The following IL1RAPL2 variants were observed in gnomAD, a reference collection of about 807,000 sequenced individuals.
IL1RAPL2 encodes interleukin 1 receptor accessory protein like 2, also known as X-linked interleukin-1 receptor accessory protein-like 2.
In IL1RAPL2, 3 loss-of-function variants were observed where a neutral mutation model predicts 44.1. The observed-to-expected ratio is 0.07, with a 90% CI of 0.03 to 0.18. The LOEUF (loss-of-function observed/expected upper bound fraction) is 0.18. Among genes scored for constraint, IL1RAPL2 ranks in the 10% least tolerant of loss-of-function variants. The probability of loss-of-function intolerance (pLI) is 1.00; values close to 1 mark genes in which losing one functional copy is unlikely to be tolerated. For synonymous variants in IL1RAPL2, 181 were observed against 178.8 expected (o/e 1.01, Z -0.10); for missense variants, 391 against 496.4 (o/e 0.79, Z 2.02).
intron 2 of IL1RAPL2, among the ~76,000 whole-genome samples, chrX:104,920,454 A>C (rs919255831): frequency 9.2e-6 from 1 of 108,150 alleles, no homozygotes; most frequent in African/African-American, 3.4e-5. Flanking sequence ...ATCCTGTATC[A>C]CTTGGTGATG....
At chrX:104,640,769 G>A (rs981316799) in intron 1 of IL1RAPL2, among the ~76,000 whole-genome samples, 22 of 111,821 alleles carry the variant, frequency 2.0e-4, no homozygotes, top group African/African-American at 6.5e-4. Flanking sequence ...ATATAGCATC[G>A]TTAATGCCTG....
chrX:105,441,746 G>T (rs1255866895), intron 5 of IL1RAPL2, among the ~76,000 whole-genome samples: 1 of 111,769 alleles, frequency 8.9e-6, no homozygotes, highest in Non-Finnish European at 1.9e-5. Context: ...CTGGAAGCTG[G>T]ATCTTATGTA....
intron 1 of IL1RAPL2, among the ~76,000 whole-genome samples, chrX:104,634,192 C>A (rs1249726397): frequency 9.0e-6 from 1 of 111,494 alleles, no homozygotes; most frequent in African/African-American, 3.3e-5. Flanking sequence ...AGTTTGATTG[C>A]ACTGTGGTCT....
At chrX:105,630,372 A>T (rs766429015) in intron 6 of IL1RAPL2, among the ~76,000 whole-genome samples, 97 of 111,696 alleles carry the variant, frequency 8.7e-4, no homozygotes, top group Non-Finnish European at 1.5e-3. Flanking sequence ...GGTAGATACC[A>T]TTATTCATTC....
intron 5 of IL1RAPL2, among the ~76,000 whole-genome samples, chrX:105,360,421 G>A (rs183381986): frequency 1.8e-5 from 2 of 111,558 alleles, no homozygotes; most frequent in Admixed American, 1.9e-4. Flanking sequence ...GCAAAGTCCT[G>A]TCCTCATAGA....
intron 2 of IL1RAPL2, among the ~76,000 whole-genome samples, chrX:105,171,369 G>A (rs996678855): frequency 3.6e-5 from 4 of 110,759 alleles, no homozygotes; most frequent in Non-Finnish European, 7.6e-5. Flanking sequence ...CACACACAGG[G>A]ATAGAGAGAA....
intron 2 of IL1RAPL2, among the ~76,000 whole-genome samples, chrX:104,953,855 C>T (rs1413885349): frequency 9.0e-6 from 1 of 111,726 alleles, no homozygotes; most frequent in Non-Finnish European, 1.9e-5. Flanking sequence ...TGTAGCAAAA[C>T]TCAAAATCCC....
chrX:104,695,349 AAGAGAG>A (rs200451049), intron 2 of IL1RAPL2, among the ~76,000 whole-genome samples: 19 of 106,017 alleles, frequency 1.8e-4, no homozygotes, highest in Non-Finnish European at 2.5e-4. Flanking sequence ...GAGAGAGAGA[AAGAGAG>A]AGAGAGAGAG....
At chrX:104,886,760 C>A (rs1367774617) in intron 2 of IL1RAPL2, among the ~76,000 whole-genome samples, 2 of 112,434 alleles carry the variant, frequency 1.8e-5, no homozygotes, top group African/African-American at 6.5e-5. Context: ...CCACAGACCA[C>A]ACATCCCAAC....
At position 105,537,925 on chromosome X, in the gene IL1RAPL2, T is replaced by G. The variant is rs1371286251; in HGVS notation, c.772+53538T>G. The stretch of plus-strand genomic sequence containing the variant: ...AGGGTATATCCATCTCCCCTTTTAT[T>G]AAAGGAAAACCCTTCATCTACTCAC... On this transcript the variant is annotated intron_variant, in intron 6 of 10. Transcript: ENST00000372582. Among the ~76,000 whole-genome samples, 3 of 110,526 alleles carry G rather than the reference T, an allele frequency of 2.7e-5. No individual in the cohort carries two copies. In the Admixed American group the frequency reaches 2.9e-4, roughly 11 times the overall value.
At chrX:105,263,716 G>T (rs921593423) in intron 4 of IL1RAPL2, among the ~76,000 whole-genome samples, 2 of 111,390 alleles carry the variant, frequency 1.8e-5, no homozygotes, top group Non-Finnish European at 3.8e-5. Flanking sequence ...TTGACATTAT[G>T]TTGACTGGGT....
At chrX:105,353,069 A>G (rs2035169902) in intron 5 of IL1RAPL2, among the ~76,000 whole-genome samples, 1 of 111,429 alleles carries the variant, frequency 9.0e-6, no homozygotes, top group South Asian at 3.8e-4. Flanking sequence ...TTTTAGGTCT[A>G]ACATTTAAGT....
intron 2 of IL1RAPL2, among the ~76,000 whole-genome samples, chrX:104,919,230 T>C (rs866540103): frequency 0.027 from 2,879 of 105,256 alleles, 86 homozygotes; most frequent in African/African-American, 0.092. Context: ...CTTTCTTTTT[T>C]TTTTTTTTTT....
rs372888513 is a variant in IL1RAPL2, at chrX:104,750,997, T to C, written c.82+92002T>C. Among the ~76,000 whole-genome samples the C allele has an allele frequency of 3.3e-4, 37 of 111,504 alleles. No individual in the cohort carries two copies. The East Asian group carries it at 0.01, about 30-fold the overall frequency. On this transcript the variant is annotated intron_variant, in intron 2 of 10. Transcript: ENST00000372582. Reference sequence around the variant, plus strand: ...TATAAGAGGAAGAAAGTAAACTAGATGGTATTTTAGGTCTATTCCAACTCT... The same window carrying C: ...TATAAGAGGAAGAAAGTAAACTAGACGGTATTTTAGGTCTATTCCAACTCT...
intron 4 of IL1RAPL2, among the ~76,000 whole-genome samples, chrX:105,236,255 C>T (rs1481853228): frequency 8.9e-6 from 1 of 112,056 alleles, no homozygotes; most frequent in Non-Finnish European, 1.9e-5. Flanking sequence ...TCCTTACATA[C>T]TCAAGCAATT....
intron 5 of IL1RAPL2, among the ~76,000 whole-genome samples, chrX:105,283,686 T>A (rs1332234177): frequency 9.0e-6 from 1 of 110,826 alleles, no homozygotes; most frequent in Non-Finnish European, 1.9e-5. Flanking sequence ...TAGAAATACT[T>A]ATTATATACT....
chrX:105,432,382 T>C, intron 5 of IL1RAPL2, among the ~76,000 whole-genome samples: 1 of 109,814 alleles, frequency 9.1e-6, no homozygotes, highest in East Asian at 2.9e-4. Context: ...CTGAACATTC[T>C]TCAGTATGGG....
chrX:104,968,800 A>G (rs2030175351), intron 2 of IL1RAPL2, among the ~76,000 whole-genome samples: 1 of 111,653 alleles, frequency 9.0e-6, no homozygotes, highest in Admixed American at 9.5e-5. Flanking sequence ...CAAATGTTTA[A>G]GACCTTAATG....
chrX:104,703,108 C>A (rs1047118383), intron 2 of IL1RAPL2, among the ~76,000 whole-genome samples: 1 of 111,147 alleles, frequency 9.0e-6, no homozygotes, highest in African/African-American at 3.3e-5. Flanking sequence ...AGAATTGGCT[C>A]AATTATTTTC....
Sources: gnomAD v4.1 joint callset for allele counts (sites outside exome capture counted in the v4.1 genomes callset) on GRCh38, gnomAD v4.1.1 for gene constraint, MANE v1.5 for transcripts, NCBI Gene and HGNC (gene_info 2026-07-23, HGNC 2026-07-21) for gene names.